The following ADGB variants were observed in gnomAD, a reference collection of about 807,000 sequenced individuals.
ADGB encodes calpain-7-like protein.
A neutral mutation model predicts 210.5 loss-of-function variants in ADGB; 172 were observed. The ratio of observed to expected loss-of-function variants is 0.82; its 90% confidence interval spans 0.72 to 0.93. The LOEUF is 0.93. ADGB is among the 40% of genes least tolerant of loss of function. The probability of loss-of-function intolerance (pLI) is 0.00; values close to 1 mark genes in which losing one functional copy is unlikely to be tolerated. For missense variants in ADGB, 2,025 were observed against 1,964.8 expected, an observed-to-expected ratio of 1.03 and a Z score of -0.58; for synonymous variants, 658 against 662.7, an observed-to-expected ratio of 0.99 and a Z score of 0.11.
At chr6:146,613,463 A>C (rs1780741187) in intron 1 of ADGB, among the ~76,000 whole-genome samples, 2 of 152,160 alleles carry the variant, frequency 1.3e-5, no homozygotes, top group African/African-American at 4.8e-5. Flanking sequence ...GCATGAGTAA[A>C]TTTCCTCCCT....
Position 146,815,229 on chromosome 6 carries a change from C to A in ADGB, c.*12C>A, listed in dbSNP as rs73786786. 9,366 of 1,478,184 alleles carry A rather than the reference C, an allele frequency of 6.3e-3. 499 individuals carry two copies. In the African/African-American group the frequency reaches 0.12, roughly 18 times the overall value. 91.6% of individuals were successfully genotyped at this position (1,478,184 alleles called of 1,614,324 possible). A position where few individuals can be genotyped will look rare whatever the true frequency, so the allele number is the denominator to read the frequency against. ...GAAAGAAAAAGTAACCAGGGGATGT[C>A]CAATACTACCCTGCTTCTGGAGAGA... On this transcript the variant is annotated 3_prime_UTR_variant, in exon 36 of 36. Coordinates refer to ENST00000397944, the MANE Select transcript of ADGB (RefSeq NM_024694.4).
chr6:146,680,044 G>A (rs1776136922), intron 9 of ADGB, among the ~76,000 whole-genome samples: 1 of 152,118 alleles, frequency 6.6e-6, no homozygotes, highest in South Asian at 2.1e-4. Context: ...CAGTGGAATA[G>A]TAAGTTGGAT....
At chr6:146,754,975 C>T (rs1777385486) in intron 27 of ADGB, among the ~76,000 whole-genome samples, 2 of 151,984 alleles carry the variant, frequency 1.3e-5, no homozygotes, top group South Asian at 4.1e-4. Context: ...GTATTAAGAT[C>T]ACCTATTTTT....
intron 13 of ADGB, 84 bp downstream of exon 13, chr6:146,701,154 A>C (rs1347785256): frequency 7.3e-7 from 1 of 1,364,824 alleles, no homozygotes; most frequent in African/African-American, 1.5e-5. Flanking sequence ...CTATACATAC[A>C]AAAGAATGTA....
intron 13 of ADGB, among the ~76,000 whole-genome samples, chr6:146,711,859 T>C (rs1776660955): frequency 6.6e-6 from 1 of 151,498 alleles, no homozygotes; most frequent in African/African-American, 2.4e-5. Flanking sequence ...TGAAACCCCA[T>C]CTCTACAAAA....
intron 20 of ADGB, among the ~76,000 whole-genome samples, chr6:146,729,291 T>A (rs956657489): frequency 3.3e-5 from 5 of 152,244 alleles, no homozygotes; most frequent in Non-Finnish European, 5.9e-5. Flanking sequence ...CTCACACTAT[T>A]GACATTTTGG....
At chr6:146,803,741 G>T in intron 35 of ADGB, 1 of 818,956 alleles carries the variant, frequency 1.2e-6, no homozygotes, top group South Asian at 1.7e-5. Flanking sequence ...TCATGGTACC[G>T]CGGCGCCTCA....
intron 35 of ADGB, chr6:146,803,103 T>C (rs1270459151): frequency 5.0e-5 from 76 of 1,513,414 alleles, no homozygotes; most frequent in Non-Finnish European, 6.0e-5. Flanking sequence ...CTGTAAACAA[T>C]TGGTGAGCAC....
At chr6:146,798,212 G>A (rs1239720829) in intron 33 of ADGB, among the ~76,000 whole-genome samples, 1 of 152,054 alleles carries the variant, frequency 6.6e-6, no homozygotes, top group African/African-American at 2.4e-5. Context: ...CATCCAAAGG[G>A]AATTCACATT....
chr6:146,685,317 T>A (rs1776215697), intron 9 of ADGB, among the ~76,000 whole-genome samples: 1 of 152,124 alleles, frequency 6.6e-6, no homozygotes, highest in South Asian at 2.1e-4. Context: ...AATGACAAAA[T>A]GACATAGAAG....
chr6:146,772,120 CTCA>C (rs1777660420), intron 29 of ADGB, among the ~76,000 whole-genome samples: 1 of 152,034 alleles, frequency 6.6e-6, no homozygotes, highest in African/African-American at 2.4e-5. Flanking sequence ...AACAAATAAT[CTCA>C]TCATAAATCA....
At chr6:146,706,845 G>GTTTTTTTTTT (rs34520729) in intron 13 of ADGB, among the ~76,000 whole-genome samples, 4 of 100,696 alleles carry the variant, frequency 4.0e-5, no homozygotes, top group Admixed American at 9.9e-5. Context: ...TCAGCTTAGT[G>GTTTTTTTTTT]TTTTTTTTTT....
chr6:146,637,359 G>T (rs1405196433), intron 2 of ADGB, among the ~76,000 whole-genome samples: 3 of 151,950 alleles, frequency 2.0e-5, no homozygotes, highest in Non-Finnish European at 2.9e-5. Context: ...AGGGCTAATG[G>T]CAGAGAAGCA....
intron 10 of ADGB, among the ~76,000 whole-genome samples, chr6:146,689,965 A>G (rs778551750): frequency 5.9e-5 from 9 of 152,164 alleles, no homozygotes; most frequent in Non-Finnish European, 1.2e-4. Flanking sequence ...AGAAAATGAC[A>G]GTTTCCTCCA....
intron 29 of ADGB, 78 bp downstream of exon 29, chr6:146,769,209 TTA>T: frequency 1.4e-6 from 1 of 695,366 alleles, no homozygotes; most frequent in South Asian, 2.6e-5. Flanking sequence ...ATAAATTGAT[TTA>T]GTCATGAAAA....
chr6:146,788,989 C>A (rs1280689272), intron 33 of ADGB, among the ~76,000 whole-genome samples: 2 of 152,126 alleles, frequency 1.3e-5, no homozygotes, highest in African/African-American at 4.8e-5. Flanking sequence ...CCTTTCATAG[C>A]AAATTTTAAG....
chr6:146,760,594 A>C (rs1777473116), intron 27 of ADGB, among the ~76,000 whole-genome samples: 1 of 151,780 alleles, frequency 6.6e-6, no homozygotes, highest in African/African-American at 2.4e-5. Flanking sequence ...TTTTGGACTT[A>C]TGTTTTCATT....
chr6:146,794,487 G>T (rs935173506), intron 33 of ADGB, among the ~76,000 whole-genome samples: 21 of 151,918 alleles, frequency 1.4e-4, no homozygotes, highest in Non-Finnish European at 2.6e-4. Flanking sequence ...GGATATTATT[G>T]TTTTTTATAT....
chr6:146,685,244 A>C (rs559165129), intron 9 of ADGB, among the ~76,000 whole-genome samples: 100 of 152,108 alleles, frequency 6.6e-4, no homozygotes, highest in Non-Finnish European at 1.1e-3. Context: ...TTTCAAACTA[A>C]ATTATTTATG....
Sources: gnomAD v4.1 joint callset for allele counts (sites outside exome capture counted in the v4.1 genomes callset) on GRCh38, gnomAD v4.1.1 for gene constraint, MANE v1.5 for transcripts, NCBI Gene and HGNC (gene_info 2026-07-23, HGNC 2026-07-21) for gene names.